Variants in CPEB3 observed in about 807,000 individuals in gnomAD.
The protein encoded by CPEB3 is cytoplasmic polyadenylation element binding protein 3.
In CPEB3, 20 loss-of-function variants were observed where a neutral mutation model predicts 67.2. That is an observed-to-expected ratio of 0.30 (90% CI 0.21 to 0.43). The LOEUF (loss-of-function observed/expected upper bound fraction) is 0.43. CPEB3 is among the 20% of genes least tolerant of loss of function. The pLI, the probability that CPEB3 is intolerant of heterozygous loss-of-function variation, is 1.00. For missense variants in CPEB3, 746 were observed against 968.6 expected (o/e 0.77, Z 3.05); for synonymous variants, 376 against 393.1 (o/e 0.96, Z 0.51).
rs1307527647 is a variant in CPEB3, at chr10:92,180,962, C to G, written c.1222+1G>C. The G allele has an allele frequency of 7.1e-7, 1 of 1,401,574 alleles. No homozygotes were observed. Among genetic ancestry groups the G allele is most frequent in the Non-Finnish European group, 1.0e-6 (1 of 987,686 alleles). The allele number at this position is 1,401,574 out of a possible 1,614,324, so 86.8% of individuals were successfully genotyped here. On this transcript the variant is annotated splice_donor_variant, in intron 4 of 9. Coordinates refer to ENST00000265997, the MANE Select transcript of CPEB3 (RefSeq NM_014912.5). LOFTEE classifies it high-confidence loss of function. The stretch of plus-strand genomic sequence containing the variant: ...ATAGAATATTTCATATGAAGACTTA[C>G]TGTTAAGTGCCATAATATTATCTGT...
At chr10:92,053,544 C>CT (rs774865830) in intron 9 of CPEB3, among the ~76,000 whole-genome samples, 41,544 of 108,002 alleles carry the variant, frequency 0.38, 8,346 homozygotes, top group Non-Finnish European at 0.49. Flanking sequence ...TTTTCTTTTT[C>CT]TTTTTTTTTT....
At chr10:92,156,266 G>T (rs1455213400) in intron 4 of CPEB3, among the ~76,000 whole-genome samples, 2 of 152,152 alleles carry the variant, frequency 1.3e-5, no homozygotes, top group Non-Finnish European at 2.9e-5. Context: ...GAGGAAGGGT[G>T]ACCTGTATGG....
intron 6 of CPEB3, among the ~76,000 whole-genome samples, chr10:92,114,053 T>C (rs935462982): frequency 6.6e-6 from 1 of 152,206 alleles, no homozygotes; most frequent in African/African-American, 2.4e-5. Flanking sequence ...TTTTCTGTAA[T>C]GGCAATATTC....
intron 2 of CPEB3, among the ~76,000 whole-genome samples, chr10:92,201,747 T>C (rs1483686359): frequency 1.3e-5 from 2 of 152,152 alleles, no homozygotes; most frequent in East Asian, 3.8e-4. Flanking sequence ...TCAAAACCTA[T>C]CTTAGAACTT....
chr10:92,096,770 C>A (rs549239592), intron 7 of CPEB3, among the ~76,000 whole-genome samples: 1 of 152,234 alleles, frequency 6.6e-6, no homozygotes, highest in South Asian at 2.1e-4. Context: ...ACGGTAAAAC[C>A]TGTCTCTACT....
At position 92,267,969 on chromosome 10, in the gene CPEB3, C is replaced by A. The variant is rs554437427; in HGVS notation, c.-12+22957G>T. On this transcript the variant is annotated intron_variant, in intron 1 of 9. Transcript: ENST00000265997. Reference sequence around the variant, plus strand: ...GAGTAGCTGGGACTACAGGCACGCACCACAATGCCCAGCTAATTTTTGTAT... The same window carrying A: ...GAGTAGCTGGGACTACAGGCACGCAACACAATGCCCAGCTAATTTTTGTAT... Among the ~76,000 whole-genome samples the A allele has an allele frequency of 1.9e-3, 282 of 152,210 alleles. 1 individual carries two copies. The highest frequency in any genetic ancestry group is 6.5e-3 in the African/African-American group (268 of 41,514).
At chr10:92,250,628 C>T (rs1162735227) in intron 1 of CPEB3, among the ~76,000 whole-genome samples, 1 of 152,056 alleles carries the variant, frequency 6.6e-6, no homozygotes, top group African/African-American at 2.4e-5. Flanking sequence ...CCTGCAAGCT[C>T]AATTCATGGT....
At chr10:92,062,623 T>A (rs1312690760) in intron 9 of CPEB3, among the ~76,000 whole-genome samples, 1 of 152,252 alleles carries the variant, frequency 6.6e-6, no homozygotes, top group Non-Finnish European at 1.5e-5. Context: ...TTGTGGTTTT[T>A]GCCATATCCC....
At chr10:92,209,494 C>T (rs768616495) in intron 2 of CPEB3, among the ~76,000 whole-genome samples, 10 of 152,092 alleles carry the variant, frequency 6.6e-5, no homozygotes, top group Non-Finnish European at 1.3e-4. Flanking sequence ...CATTGCACTC[C>T]AGCCTGGGCA....
intron 4 of CPEB3, among the ~76,000 whole-genome samples, chr10:92,171,629 T>C (rs1021329134): frequency 6.6e-6 from 1 of 152,120 alleles, no homozygotes; most frequent in Admixed American, 6.6e-5. Context: ...TCCTTTTTTT[T>C]CCCCAGAGAG....
intron 3 of CPEB3, among the ~76,000 whole-genome samples, chr10:92,190,912 G>A (rs1848949173): frequency 6.6e-6 from 1 of 152,074 alleles, no homozygotes; most frequent in Non-Finnish European, 1.5e-5. Context: ...CCTAATAATG[G>A]AGGAAAAACT....
intron 4 of CPEB3, among the ~76,000 whole-genome samples, chr10:92,163,841 G>A (rs558427300): frequency 1.3e-4 from 20 of 152,270 alleles, no homozygotes; most frequent in African/African-American, 4.8e-4. Context: ...GATGCTTGAA[G>A]GGGAAGGATA....
At chr10:92,092,508 G>A (rs1244988786) in intron 7 of CPEB3, among the ~76,000 whole-genome samples, 2 of 152,186 alleles carry the variant, frequency 1.3e-5, no homozygotes, top group Non-Finnish European at 2.9e-5. Context: ...GGCTGGGCAT[G>A]GTGGCTCACA....
At chr10:92,057,826 A>T (rs1842170402) in intron 9 of CPEB3, among the ~76,000 whole-genome samples, 1 of 152,194 alleles carries the variant, frequency 6.6e-6, no homozygotes, top group African/African-American at 2.4e-5. Context: ...ATTCTCCCAG[A>T]TCTTGCCCAA....
chr10:92,280,654 G>GAA (rs373137395), intron 1 of CPEB3, among the ~76,000 whole-genome samples: 5 of 81,024 alleles, frequency 6.2e-5, no homozygotes, highest in African/African-American at 1.1e-4. Flanking sequence ...GGCCGAGAGT[G>GAA]AAAAAAAAAA....
At chr10:92,201,529 GAAAC>G (rs10627521) in intron 2 of CPEB3, among the ~76,000 whole-genome samples, 2,349 of 151,686 alleles carry the variant, frequency 0.015, 56 homozygotes, top group African/African-American at 0.05. Context: ...CACTGTCTCA[GAAAC>G]AAACAAACAA....
chr10:92,114,276 C>A (rs1365043151), intron 6 of CPEB3, among the ~76,000 whole-genome samples: 1 of 152,136 alleles, frequency 6.6e-6, no homozygotes, highest in African/African-American at 2.4e-5. Flanking sequence ...TCAAGCAAAC[C>A]CAGATGACAA....
chr10:92,080,259 A>T (rs1376540685), intron 9 of CPEB3, among the ~76,000 whole-genome samples: 1 of 151,756 alleles, frequency 6.6e-6, no homozygotes, highest in African/African-American at 2.4e-5. Flanking sequence ...CTTTTCATTT[A>T]TTAATACAGG....
At chr10:92,157,821 CT>C (rs1200252442) in intron 4 of CPEB3, among the ~76,000 whole-genome samples, 3 of 152,042 alleles carry the variant, frequency 2.0e-5, no homozygotes, top group African/African-American at 7.2e-5. Flanking sequence ...GAGAAATAGT[CT>C]TTGCTATATC....
Sources: allele counts gnomAD v4.1 joint callset (sites outside exome capture counted in the v4.1 genomes callset), GRCh38; gene constraint gnomAD v4.1.1; transcripts MANE v1.5; gene names NCBI Gene and HGNC (gene_info 2026-07-23, HGNC 2026-07-21).